PCDHGB5: variants seen among roughly 807,000 people sequenced by gnomAD.
The protein encoded by PCDHGB5 is protocadherin gamma-B5.
A neutral mutation model predicts 62.9 loss-of-function variants in PCDHGB5; 48 were observed. The observed-to-expected ratio is 0.76, with a 90% CI of 0.61 to 0.97. PCDHGB5 has a LOEUF of 0.97. PCDHGB5 is among the 50% of genes least tolerant of loss of function. The pLI, the probability that PCDHGB5 is intolerant of heterozygous loss-of-function variation, is 0.00. For synonymous variants in PCDHGB5, 474 were observed against 511.2 expected (o/e 0.93, Z 0.98); for missense variants, 1,118 against 1,198.6 (o/e 0.93, Z 0.99).
intron 1 of PCDHGB5, chr5:141,478,484 C>T (rs376021397): frequency 6.2e-7 from 1 of 1,613,458 alleles, no homozygotes; most frequent in South Asian, 1.1e-5. Flanking sequence ...GAACACGCTG[C>T]GGAGCTGTGA....
rs1414722237 is a variant in PCDHGB5 at position 141,432,748 on chromosome 5, C to T, written c.2397+32224C>T. On this transcript the variant is annotated intron_variant, in intron 1 of 3. Coordinates refer to ENST00000617380, the MANE Select transcript of PCDHGB5 (RefSeq NM_018925.3). The surrounding 1 kb of genome is among the most constrained non-coding windows in gnomAD (Gnocchi z 6.0). ...CCGCCACTGTCACGCTCACCGTGGC[C>T]GTGGCCGACAGCATCCCCCAAGTCC... 1 of 1,614,120 alleles carries T rather than the reference C, an allele frequency of 6.2e-7. No homozygotes were observed. The highest frequency in any genetic ancestry group is 8.5e-7 in the Non-Finnish European group (1 of 1,179,980).
At chr5:141,466,654 C>A (rs985749176) in intron 1 of PCDHGB5, among the ~76,000 whole-genome samples, 12 of 152,178 alleles carry the variant, frequency 7.9e-5, no homozygotes, top group African/African-American at 2.9e-4. Flanking sequence ...TTTCACAAAA[C>A]ATCAGTGATT....
chr5:141,416,699 T>C (rs1232694721), intron 1 of PCDHGB5: 1 of 152,092 alleles, frequency 6.6e-6, no homozygotes, highest in Non-Finnish European at 1.5e-5. Context: ...AAACAAAGGA[T>C]CATTGGAGGT....
intron 1 of PCDHGB5, chr5:141,414,517 G>A: frequency 6.2e-7 from 1 of 1,613,964 alleles, no homozygotes; most frequent in Non-Finnish European, 8.5e-7. Context: ...ACAAGTGGCA[G>A]ATATCAATGA....
chr5:141,408,431 G>A, intron 1 of PCDHGB5: 1 of 1,614,064 alleles, frequency 6.2e-7, no homozygotes. Flanking sequence ...GCACTTCAGC[G>A]TAGACGCGGA....
chr5:141,489,701 T>C lies in PCDHGB5; in HGVS notation c.2398-5106T>C, dbSNP rs1038902932. The C allele has an allele frequency of 1.9e-6, 3 of 1,614,128 alleles. No homozygotes were observed. The highest frequency in any genetic ancestry group is 2.5e-6 in the Non-Finnish European group (3 of 1,179,944). On this transcript the variant is annotated intron_variant, in intron 1 of 3. Transcript: ENST00000617380. The surrounding 1 kb of genome is among the most constrained non-coding windows in gnomAD (Gnocchi z 4.5). ...GCAGCATCTGGGGCACGATTCCCAC[T>C]GGACAGTGCCCAGGATCCGGATGTG...
At chr5:141,409,920 C>G in intron 1 of PCDHGB5, 1 of 1,613,400 alleles carries the variant, frequency 6.2e-7, no homozygotes, top group Non-Finnish European at 8.5e-7. Flanking sequence ...GACGGCTCCG[C>G]GTTCTTCGAT....
chr5:141,410,841 G>GT, intron 1 of PCDHGB5: 1 of 214,604 alleles, frequency 4.7e-6, no homozygotes, highest in Non-Finnish European at 7.8e-6. Context: ...AAGATATTTT[G>GT]TCTTTGTCTT....
intron 1 of PCDHGB5, among the ~76,000 whole-genome samples, chr5:141,458,982 C>G (rs2098958289): frequency 6.6e-6 from 1 of 152,164 alleles, no homozygotes; most frequent in Admixed American, 6.5e-5. Flanking sequence ...GTCCTCCTGC[C>G]TCACCCTCCC....
intron 1 of PCDHGB5, among the ~76,000 whole-genome samples, chr5:141,461,917 G>A (rs527287831): frequency 6.6e-6 from 1 of 152,098 alleles, no homozygotes; most frequent in South Asian, 2.1e-4. Flanking sequence ...TCTGCCTCCT[G>A]GGTTCCAGCA....
intron 1 of PCDHGB5, among the ~76,000 whole-genome samples, chr5:141,459,014 T>C (rs1429233660): frequency 6.6e-6 from 1 of 152,240 alleles, no homozygotes; most frequent in East Asian, 1.9e-4. Context: ...ATTACAGGCA[T>C]GAGCCACCAC....
intron 1 of PCDHGB5, among the ~76,000 whole-genome samples, chr5:141,465,360 C>T (rs1238387777): frequency 6.6e-6 from 1 of 151,940 alleles, no homozygotes; most frequent in Non-Finnish European, 1.5e-5. Context: ...AAAATGGGTG[C>T]CCTTTAAAGT....
Position 141,399,107 on chromosome 5 carries a change from G to A in PCDHGB5, c.980G>A (p.Cys327Tyr). 6.2e-7 allele frequency: 1 copy of A among 1,613,794 alleles called. No homozygotes were observed. Among genetic ancestry groups the A allele is most frequent in the Non-Finnish European group, 8.5e-7 (1 of 1,179,862 alleles). Residue 327 changes from cysteine (C) to tyrosine (Y), a missense_variant, in exon 1 of 4, where the codon TGT (cysteine) becomes TAT (tyrosine). Physicochemically the swap from Cys to Tyr is radical, Grantham distance 194. Coordinates refer to ENST00000617380, the MANE Select transcript of PCDHGB5 (RefSeq NM_018925.3). The part of the protein sequence containing the change: ...GRDGGGLVAQ[C>Y]TVEINIQDEN... ...GATGGTGGTGGACTGGTTGCACAAT[G>A]TACAGTTGAAATTAATATTCAAGAT...
intron 1 of PCDHGB5, chr5:141,421,871 CT>C: frequency 6.2e-7 from 1 of 1,613,756 alleles, no homozygotes; most frequent in Non-Finnish European, 8.5e-7. Flanking sequence ...CTCCTCACAG[CT>C]TTAGATGGAG....
intron 1 of PCDHGB5, chr5:141,418,539 A>C (rs984639830): frequency 6.2e-7 from 1 of 1,614,034 alleles, no homozygotes; most frequent in East Asian, 2.2e-5. Flanking sequence ...GGTACTGCTC[A>C]GATAAGAATC....
intron 1 of PCDHGB5, chr5:141,422,091 G>C: frequency 6.2e-7 from 1 of 1,611,830 alleles, no homozygotes. Context: ...TGGAAAGCAA[G>C]GCTTCTGAAA....
At chr5:141,418,130 G>A in intron 1 of PCDHGB5, 3 of 1,614,106 alleles carry the variant, frequency 1.9e-6, no homozygotes, top group Non-Finnish European at 2.5e-6. Flanking sequence ...GGACCGAATA[G>A]ACCGTGAGCA....
At position 141,494,833 on chromosome 5, in the gene PCDHGB5, T is replaced by C. The variant is rs537340090; in HGVS notation, c.2424T>C (p.Arg808=). 1 of 1,614,094 alleles carries C rather than the reference T, an allele frequency of 6.2e-7. No homozygotes were observed. The highest frequency in any genetic ancestry group is 1.7e-5 in the Admixed American group (1 of 60,014). Residue 808 remains arginine, a synonymous_variant, in exon 2 of 4, where the codon CGT becomes CGC. Coordinates refer to ENST00000617380, the MANE Select transcript of PCDHGB5 (RefSeq NM_018925.3). ...ELQAPPNTDW[R]FSQAQRPGTS... Reference sequence around the variant, plus strand: ...AAGCCCCGCCCAACACGGACTGGCGTTTCTCTCAGGCCCAGAGACCCGGCA... The same window carrying C: ...AAGCCCCGCCCAACACGGACTGGCGCTTCTCTCAGGCCCAGAGACCCGGCA...
At chr5:141,468,837 G>T in intron 1 of PCDHGB5, among the ~76,000 whole-genome samples, 1 of 152,108 alleles carries the variant, frequency 6.6e-6, no homozygotes, top group South Asian at 2.1e-4. Flanking sequence ...CTGCACTCCA[G>T]CCTGGGCAAC....
Sources: allele counts gnomAD v4.1 joint callset (sites outside exome capture counted in the v4.1 genomes callset), GRCh38; gene constraint gnomAD v4.1.1; non-coding constraint Gnocchi (gnomAD v3.1); transcripts MANE v1.5; gene names NCBI Gene and HGNC (gene_info 2026-07-23, HGNC 2026-07-21).